Variants in PTPRO observed in about 807,000 individuals in gnomAD.
PTPRO encodes receptor-type tyrosine-protein phosphatase O.
A neutral mutation model predicts 145.2 loss-of-function variants in PTPRO; 62 were observed. That is an observed-to-expected ratio of 0.43 (90% CI 0.35 to 0.53). PTPRO has a LOEUF of 0.53. Among genes scored for constraint, PTPRO ranks in the 20% least tolerant of loss-of-function variants. The pLI is 0.01. For missense variants in PTPRO, 1,345 were observed against 1,482.7 expected (o/e 0.91, Z 1.53); for synonymous variants, 565 against 514.7 (o/e 1.10, Z -1.32).
intron 1 of PTPRO, among the ~76,000 whole-genome samples, chr12:15,388,770 G>A (rs1055875796): frequency 2.0e-5 from 3 of 152,120 alleles, no homozygotes; most frequent in Non-Finnish European, 2.9e-5. Context: ...CACATCCTCC[G>A]TAAGTGTTAA....
intron 2 of PTPRO, among the ~76,000 whole-genome samples, chr12:15,496,138 TTTTG>T (rs1424439430): frequency 8.9e-5 from 9 of 100,594 alleles, no homozygotes; most frequent in Non-Finnish European, 1.3e-4. Flanking sequence ...TCTTTTCTTT[TTTTG>T]TTTTTTTTTT....
chr12:15,519,878 T>C (rs1942677565), intron 9 of PTPRO, among the ~76,000 whole-genome samples: 2 of 152,172 alleles, frequency 1.3e-5, no homozygotes, highest in South Asian at 4.1e-4. Flanking sequence ...GTCTTAGAAA[T>C]AGGGAGAAAT....
intron 13 of PTPRO, 107 bp from the exon 14 acceptor site, chr12:15,548,987 A>T: frequency 8.1e-7 from 1 of 1,235,934 alleles, no homozygotes; most frequent in Non-Finnish European, 1.2e-6. Context: ...TTGTCATCTT[A>T]TACATTTTTT....
At chr12:15,379,530 C>CAAAAAAA (rs1211403772) in intron 1 of PTPRO, among the ~76,000 whole-genome samples, 8 of 49,422 alleles carry the variant, frequency 1.6e-4, no homozygotes, top group African/African-American at 3.1e-4. Context: ...AGCTCCATCT[C>CAAAAAAA]AAAAAAAAAA....
At chr12:15,557,095 C>T (rs1228883113) in intron 15 of PTPRO, among the ~76,000 whole-genome samples, 15 of 149,910 alleles carry the variant, frequency 1.0e-4, no homozygotes, top group Non-Finnish European at 1.9e-4. Flanking sequence ...GGCTGGAGTG[C>T]GGTGGCGCGA....
chr12:15,341,257 G>C (rs1244871558), intron 1 of PTPRO, among the ~76,000 whole-genome samples: 1 of 151,948 alleles, frequency 6.6e-6, no homozygotes, highest in East Asian at 1.9e-4. Context: ...TTTTTAGTTT[G>C]TCCATGAGAT....
intron 7 of PTPRO, among the ~76,000 whole-genome samples, chr12:15,511,844 G>A (rs544498433): frequency 1.1e-4 from 16 of 152,286 alleles, no homozygotes; most frequent in Admixed American, 2.6e-4. Flanking sequence ...GATTACAGGC[G>A]TGAGCCACCG....
At chr12:15,523,271 G>A (rs1159037813) in intron 10 of PTPRO, among the ~76,000 whole-genome samples, 1 of 152,154 alleles carries the variant, frequency 6.6e-6, no homozygotes, top group Non-Finnish European at 1.5e-5. Context: ...ATAGATTTTA[G>A]TTGACATTGT....
At chr12:15,444,451 AT>A (rs1176796326) in intron 1 of PTPRO, among the ~76,000 whole-genome samples, 1 of 152,120 alleles carries the variant, frequency 6.6e-6, no homozygotes, top group Non-Finnish European at 1.5e-5. Flanking sequence ...ATATATCCAG[AT>A]AACAAACCTG....
chr12:15,546,557 G>A lies in PTPRO; in HGVS notation c.2165-12G>A. 3.8e-6 allele frequency: 6 copies of A among 1,583,096 alleles called. No homozygotes were observed. Among genetic ancestry groups the A allele is most frequent in the Non-Finnish European group, 5.2e-6 (6 of 1,163,170 alleles). Reference sequence around the variant, plus strand: ...TAAATTAAATTTTTTTTAAAACTTTGTCTTTGCTCAGAACCAGCTCCACCC... The same window carrying A: ...TAAATTAAATTTTTTTTAAAACTTTATCTTTGCTCAGAACCAGCTCCACCC... On this transcript the variant is annotated splice_polypyrimidine_tract_variant and intron_variant, in intron 12 of 26. Coordinates refer to ENST00000281171, the MANE Select transcript of PTPRO (RefSeq NM_030667.3).
At chr12:15,542,011 A>G (rs75859908) in intron 12 of PTPRO, among the ~76,000 whole-genome samples, 1 of 143,276 alleles carries the variant, frequency 7.0e-6, no homozygotes, top group African/African-American at 2.5e-5. Context: ...ACTCCACCTC[A>G]AAAAAAAAAA....
chr12:15,409,483 T>A (rs1200909789), intron 1 of PTPRO, among the ~76,000 whole-genome samples: 3 of 152,184 alleles, frequency 2.0e-5, no homozygotes, highest in African/African-American at 7.2e-5. Flanking sequence ...GACGTATTCT[T>A]CCATCGTCTT....
At chr12:15,554,272 T>C (rs1434430347) in intron 15 of PTPRO, among the ~76,000 whole-genome samples, 3 of 152,270 alleles carry the variant, frequency 2.0e-5, no homozygotes, top group Admixed American at 6.5e-5. Context: ...TGAGAGAGGA[T>C]TCCAGGTCAG....
chr12:15,574,760 A>T (rs945443409), intron 19 of PTPRO, among the ~76,000 whole-genome samples: 1 of 152,152 alleles, frequency 6.6e-6, no homozygotes, highest in Admixed American at 6.5e-5. Flanking sequence ...CTGGAAAATG[A>T]CTTGTTGGAT....
chr12:15,568,115 T>C (rs546864333), intron 18 of PTPRO, among the ~76,000 whole-genome samples: 20 of 152,298 alleles, frequency 1.3e-4, no homozygotes, highest in African/African-American at 4.3e-4. Flanking sequence ...TTAAATACTA[T>C]GTATTTTCTA....
intron 1 of PTPRO, among the ~76,000 whole-genome samples, chr12:15,400,047 G>C (rs1468325967): frequency 1.7e-5 from 2 of 116,150 alleles, no homozygotes; most frequent in African/African-American, 6.5e-5. Flanking sequence ...CAAGACTCTT[G>C]TCTCAAAAAA....
At chr12:15,468,411 G>A (rs1463918122) in intron 1 of PTPRO, among the ~76,000 whole-genome samples, 1 of 152,066 alleles carries the variant, frequency 6.6e-6, no homozygotes, top group African/African-American at 2.4e-5. Flanking sequence ...CACCTCTACT[G>A]GCCATTCAAA....
intron 2 of PTPRO, among the ~76,000 whole-genome samples, chr12:15,491,733 A>G (rs780383789): frequency 1.3e-5 from 2 of 152,224 alleles, no homozygotes; most frequent in Non-Finnish European, 2.9e-5. Flanking sequence ...TTCCAGACAC[A>G]AAGCCACAAT....
intron 1 of PTPRO, among the ~76,000 whole-genome samples, chr12:15,446,612 G>C (rs1452280680): frequency 1.3e-5 from 2 of 151,854 alleles, no homozygotes; most frequent in Non-Finnish European, 2.9e-5. Flanking sequence ...AAATTCCATA[G>C]GGAATGTTCC....
Sources: gnomAD v4.1 joint callset for allele counts (sites outside exome capture counted in the v4.1 genomes callset) on GRCh38, gnomAD v4.1.1 for gene constraint, MANE v1.5 for transcripts, NCBI Gene and HGNC (gene_info 2026-07-23, HGNC 2026-07-21) for gene names.